The following TNNI3K variants were observed in gnomAD, a reference collection of about 807,000 sequenced individuals.
The protein encoded by TNNI3K is serine/threonine-protein kinase TNNI3K.
Under a neutral mutation model 114.5 loss-of-function variants are expected in TNNI3K, and 140 were observed. The ratio of observed to expected loss-of-function variants is 1.22; its 90% confidence interval spans 1.07 to 1.41. The LOEUF (loss-of-function observed/expected upper bound fraction) is 1.41. TNNI3K is among the 40% of genes most tolerant of loss of function. The pLI is 0.00. For missense variants in TNNI3K, 1,125 were observed against 1,007.6 expected, an observed-to-expected ratio of 1.12 and a Z score of -1.58; for synonymous variants, 347 against 347.5, an observed-to-expected ratio of 1.00 and a Z score of 0.02.
chr1:74,503,515 G>C (rs1025298830), intron 23 of TNNI3K, among the ~76,000 whole-genome samples: 5 of 152,212 alleles, frequency 3.3e-5, no homozygotes, highest in South Asian at 2.1e-4. Flanking sequence ...GTTGACTTAA[G>C]TTCTATGGAT....
intron 5 of TNNI3K, among the ~76,000 whole-genome samples, chr1:74,275,502 A>G (rs532645952): frequency 6.6e-6 from 1 of 152,232 alleles, no homozygotes; most frequent in East Asian, 1.9e-4. Context: ...GAGCCAAAGC[A>G]TATCAGAGAT....
At chr1:74,481,057 G>A in intron 21 of TNNI3K, 1 of 610,286 alleles carries the variant, frequency 1.6e-6, no homozygotes. Context: ...AATATCCTCT[G>A]AGCAATCTTA....
chr1:74,402,218 C>A (rs185073141), intron 17 of TNNI3K, among the ~76,000 whole-genome samples: 1 of 151,998 alleles, frequency 6.6e-6, no homozygotes, highest in Non-Finnish European at 1.5e-5. Flanking sequence ...TGGAATGGGG[C>A]GGTAGTAAGA....
rs1660391588 is a variant in TNNI3K at position 74,334,970 on chromosome 1, T to C, written c.544-1041T>C. On this transcript the variant is annotated intron_variant, in intron 6 of 24. Coordinates refer to ENST00000326637, the MANE Select transcript of TNNI3K (RefSeq NM_015978.3). ...AAAGTAGGTTTTCAAGGTCAAAAAA[T>C]GTGGAGATGATTTTTAAAAAACGTT... Among the ~76,000 whole-genome samples, 4 of 152,146 alleles carry C rather than the reference T, an allele frequency of 2.6e-5. No individual in the cohort carries two copies. The South Asian group carries it at 6.2e-4, about 24-fold the overall frequency.
intron 21 of TNNI3K, among the ~76,000 whole-genome samples, chr1:74,466,860 A>G (rs896772324): frequency 2.0e-5 from 3 of 152,282 alleles, no homozygotes; most frequent in African/African-American, 7.2e-5. Context: ...AGGATAGGGG[A>G]AAGGGATTCA....
intron 4 of TNNI3K, among the ~76,000 whole-genome samples, chr1:74,256,504 ATCTAT>A (rs1403329671): frequency 2.6e-5 from 4 of 151,614 alleles, no homozygotes; most frequent in African/African-American, 9.7e-5. Flanking sequence ...AGGGAACTTT[ATCTAT>A]TCTAATACAA....
chr1:74,345,426 A>C (rs1660954070), intron 9 of TNNI3K, among the ~76,000 whole-genome samples: 1 of 152,178 alleles, frequency 6.6e-6, no homozygotes, highest in Non-Finnish European at 1.5e-5. Flanking sequence ...GATTGAAATT[A>C]CAAAGAAGCA....
chr1:74,236,077 A>G, intron 1 of TNNI3K, 25 bp from the exon 2 acceptor site: 1 of 1,588,718 alleles, frequency 6.3e-7, no homozygotes, highest in Non-Finnish European at 8.6e-7. Context: ...ACTATGAATC[A>G]ATCTCATTTG....
In TNNI3K at chr1:74,353,435, T is replaced by C. The variant is rs1206612332; in HGVS notation, c.1027+75T>C. ...AAGAATAATGGTATGCAAAGGGATG[T>C]GGGGGCATTGGGAGTGCTCAACTCC... is the stretch of plus-strand genomic sequence containing the variant. On this transcript the variant is annotated intron_variant, in intron 10 of 24. Transcript: ENST00000326637. 6 of 1,529,840 alleles carry C rather than the reference T, an allele frequency of 3.9e-6. No homozygotes were observed. In the Admixed American group the frequency reaches 9.2e-5, roughly 23 times the overall value. The allele number at this position is 1,529,840 out of a possible 1,614,324, so 94.8% of individuals were successfully genotyped here. A position where few individuals can be genotyped will look rare whatever the true frequency, so the allele number is the denominator to read the frequency against.
rs147739889 is a variant in TNNI3K, at chr1:74,411,334, A to C, written c.1773-24746A>C. Among the ~76,000 whole-genome samples the C allele has an allele frequency of 5.7e-3, 867 of 152,278 alleles. 8 individuals carry two copies. The highest frequency in any genetic ancestry group is 0.02 in the African/African-American group (821 of 41,532). On this transcript the variant is annotated intron_variant, in intron 17 of 24. Transcript: ENST00000326637. ...CTAAGTGCGGATACACTGAGATACA[A>C]CCTTTTTATCTAAAAGAGAGGATAA...
At chr1:74,348,807 T>G (rs1661165543) in intron 9 of TNNI3K, among the ~76,000 whole-genome samples, 1 of 152,142 alleles carries the variant, frequency 6.6e-6, no homozygotes, top group Admixed American at 6.5e-5. Context: ...TGTCTGTTAT[T>G]GGTGTATAAG....
intron 5 of TNNI3K, among the ~76,000 whole-genome samples, chr1:74,286,823 C>T (rs1657360900): frequency 6.6e-6 from 1 of 152,038 alleles, no homozygotes; most frequent in Non-Finnish European, 1.5e-5. Flanking sequence ...TACAAGGCCA[C>T]AAGGATCACA....
chr1:74,273,193 G>A (rs757470984), intron 5 of TNNI3K, among the ~76,000 whole-genome samples: 2 of 151,804 alleles, frequency 1.3e-5, no homozygotes, highest in African/African-American at 2.4e-5. Context: ...AAAATATCTC[G>A]TTGAGAGCAA....
Position 74,370,331 on chromosome 1 carries a change from G to A in TNNI3K, c.1711G>A (p.Ala571Thr). ...TAAATTAATTATTGCAGTAGATGTT[G>A]CCAAAGGCATGGAGTACCTTCACAA... ...QSKLIIAVDVAKGMEYLHNLT... is the reference protein window; with the variant it reads ...QSKLIIAVDVTKGMEYLHNLT... Residue 571 changes from alanine to threonine, a missense_variant, in exon 17 of 25, where the codon GCC becomes ACC. By Grantham distance (58) the Ala-to-Thr change is moderately conservative (BLOSUM62 0). Coordinates refer to ENST00000326637, the MANE Select transcript of TNNI3K (RefSeq NM_015978.3). The A allele has an allele frequency of 1.2e-6, 2 of 1,606,210 alleles. No individual in the cohort carries two copies. The highest frequency in any genetic ancestry group is 1.7e-6 in the Non-Finnish European group (2 of 1,175,386).
rs1047235815 is a variant in TNNI3K at position 74,437,877 on chromosome 1, A to G, written c.1878+1351A>G. On this transcript the variant is annotated intron_variant, in intron 19 of 24. Coordinates refer to ENST00000326637, the MANE Select transcript of TNNI3K (RefSeq NM_015978.3). ...CCTAAGACTGATCTTGAGTTCCTGC[A>G]TCTTTTAAAAATTCCCCCACATAAT... 2.6e-5 allele frequency among the ~76,000 whole-genome samples: 4 copies of G among 151,962 alleles called. No homozygotes were observed. In the South Asian group the frequency reaches 8.3e-4, roughly 32 times the overall value.
intron 17 of TNNI3K, among the ~76,000 whole-genome samples, chr1:74,398,004 A>G (rs1341579160): frequency 1.3e-5 from 2 of 152,248 alleles, no homozygotes; most frequent in Admixed American, 1.3e-4. Flanking sequence ...GGAAAAAATT[A>G]ATACATGGAG....
At chr1:74,542,468 A>G (rs1646738293) in intron 24 of TNNI3K, among the ~76,000 whole-genome samples, 1 of 152,166 alleles carries the variant, frequency 6.6e-6, no homozygotes, top group Non-Finnish European at 1.5e-5. Context: ...GCTGATATGT[A>G]TCCTACTGCC....
intron 21 of TNNI3K, among the ~76,000 whole-genome samples, chr1:74,476,160 A>G (rs1040816384): frequency 6.6e-6 from 1 of 152,166 alleles, no homozygotes; most frequent in Admixed American, 6.5e-5. Flanking sequence ...ATGAACTCTC[A>G]TAATAGAGTG....
Position 74,492,137 on chromosome 1 carries a change from C to T in TNNI3K, c.2222C>T (p.Ser741Leu), listed in dbSNP as rs548261851. The T allele has an allele frequency of 6.2e-7, 1 of 1,612,168 alleles. No individual in the cohort carries two copies. The highest frequency in any genetic ancestry group is 1.1e-5 in the South Asian group (1 of 90,816). Residue 741 changes from serine (S) to leucine (L), a missense_variant, in exon 23 of 25, where the codon TCA (serine) becomes TTA (leucine). Ser to Leu is a moderately radical substitution (Grantham distance 145). Coordinates refer to ENST00000326637, the MANE Select transcript of TNNI3K (RefSeq NM_015978.3). ...TCAAGTAACAGCAGTGGGTCTCTCT[C>T]ACCTTCTTCTTCTTCTGATTGCCTG... is the stretch of plus-strand genomic sequence containing the variant. Reference protein sequence around the residue: ...PASSNSSGSLSPSSSSDCLVN... With the variant: ...PASSNSSGSLLPSSSSDCLVN...
Sources: allele counts gnomAD v4.1 joint callset (sites outside exome capture counted in the v4.1 genomes callset), GRCh38; gene constraint gnomAD v4.1.1; transcripts MANE v1.5; gene names NCBI Gene and HGNC (gene_info 2026-07-23, HGNC 2026-07-21).